The following DNASE1 variants were observed in gnomAD, a reference collection of about 807,000 sequenced individuals.
The protein encoded by DNASE1 is deoxyribonuclease 1.
In DNASE1, 40 loss-of-function variants were observed where a neutral mutation model predicts 33.9. That is an observed-to-expected ratio of 1.18 (90% CI 0.92 to 1.54). The LOEUF (loss-of-function observed/expected upper bound fraction) is 1.54, where lower values mean the gene tolerates loss of function less well. Ranked by LOEUF, DNASE1 falls within the 40% of genes most tolerant of loss-of-function variation. DNASE1 has a pLI of 0.00. For synonymous variants in DNASE1, 216 were observed against 160.0 expected, an observed-to-expected ratio of 1.35 and a Z score of -2.64; for missense variants, 518 against 372.6, an observed-to-expected ratio of 1.39 and a Z score of -3.21.
At chr16:3,655,606 G>A (rs1006629259) in intron 2 of DNASE1, 86 bp downstream of exon 2, 11 of 1,595,882 alleles carry the variant, frequency 6.9e-6, no homozygotes, top group Non-Finnish European at 9.4e-6. Context: ...GGAGCCACAG[G>A]GTGTCGGGTG....
intron 3 of DNASE1, 69 bp downstream of exon 3, chr16:3,656,006 C>A: frequency 6.2e-7 from 1 of 1,611,564 alleles, no homozygotes; most frequent in Non-Finnish European, 8.5e-7. Context: ...TTCACTTGGG[C>A]CCCAAGGGTG....
At chr16:3,659,488 A>G (rs1398312338), downstream of DNASE1, 1 of 152,222 alleles carries the variant, frequency 6.6e-6, no homozygotes, top group South Asian at 2.1e-4. Context: ...ACCACAAACC[A>G]AAAAGTAAAG....
chr16:3,624,431 G>A (rs1165026232), intron 1 of DNASE1, among the ~76,000 whole-genome samples: 1 of 152,160 alleles, frequency 6.6e-6, no homozygotes, highest in Non-Finnish European at 1.5e-5. Flanking sequence ...TGGTGCTCTA[G>A]GCACTGGGTT....
rs1246433427 is a variant in DNASE1 at position 3,657,104 on chromosome 16, G to A, written c.542G>A (p.Gly181Asp). 3.7e-6 allele frequency: 6 copies of A among 1,614,102 alleles called. No individual in the cohort carries two copies. The highest frequency in any genetic ancestry group is 5.1e-6 in the Non-Finnish European group (6 of 1,180,018). ...DVYLDVQEKW[G>D]LEDVMLMGDF... ...TACCTGGATGTCCAAGAGAAATGGG[G>A]CTTGGAGGTGAGGCCCTCCCAGGGG... Residue 181 changes from glycine to aspartate, a missense_variant, in exon 6 of 9, where the codon GGC becomes GAC. Transcript: ENST00000246949.
At chr16:3,663,625 G>A (rs1267626237) in exon 10 of DNASE1, 1 of 1,601,196 alleles carries the variant, frequency 6.2e-7, no homozygotes, top group Non-Finnish European at 8.5e-7. Context: ...CAGAAGAAAG[G>A]ATGAGGGCGG....
intron 1 of DNASE1, among the ~76,000 whole-genome samples, chr16:3,620,205 C>T (rs140816412): frequency 1.8e-3 from 280 of 152,258 alleles, no homozygotes; most frequent in African/African-American, 6.4e-3. Flanking sequence ...CATGAGCCAC[C>T]TCGCCAGGCC....
upstream of DNASE1, among the ~76,000 whole-genome samples, chr16:3,642,710 A>T (rs2042059109): frequency 6.6e-6 from 1 of 152,110 alleles, no homozygotes; most frequent in South Asian, 2.1e-4. Context: ...TCTGTCCTAG[A>T]GGATGCTTGG....
downstream of DNASE1, chr16:3,661,875 G>A (rs1027481653): frequency 4.2e-5 from 57 of 1,352,756 alleles, no homozygotes; most frequent in Non-Finnish European, 4.0e-5. Flanking sequence ...TTACCCACAT[G>A]TCCACAGGCC....
intron 1 of DNASE1, among the ~76,000 whole-genome samples, chr16:3,615,236 G>A (rs2041059434): frequency 6.6e-6 from 1 of 152,172 alleles, no homozygotes; most frequent in African/African-American, 2.4e-5. Context: ...AAGTATAAGA[G>A]AGATGGCAAG....
chr16:3,664,581 G>C, exon 10 of DNASE1: 2 of 1,094,420 alleles, frequency 1.8e-6, no homozygotes, highest in Non-Finnish European at 2.6e-6. Flanking sequence ...GCCCTGACCC[G>C]AGGGACGGTA....
At chr16:3,625,000 G>C (rs1755144266) in intron 1 of DNASE1, among the ~76,000 whole-genome samples, 1 of 152,110 alleles carries the variant, frequency 6.6e-6, no homozygotes, top group African/African-American at 2.4e-5. Flanking sequence ...CCAGCCTGCA[G>C]TTTTTCTTAT....
At position 3,655,387 on chromosome 16, in the gene DNASE1, AGCTGCTGGGGGC is replaced by A. The variant is rs2042533977; in HGVS notation, c.23_34del (p.Gly8_Leu11del). 4 of 1,614,038 alleles carry A rather than the reference AGCTGCTGGGGGC, an allele frequency of 2.5e-6. No homozygotes were observed. The highest frequency in any genetic ancestry group is 2.2e-5 in the South Asian group (2 of 91,094). On this transcript the variant is annotated inframe_deletion, in exon 2 of 9. Transcript: ENST00000246949. ...TGCTCTCCCAGGATGAGGGGCATGAAGCTGCTGGGGGCGCTGCTGGCACTGGCGGCCCTACTG... is the reference window on the plus strand; with the variant it reads ...TGCTCTCCCAGGATGAGGGGCATGAAGCTGCTGGCACTGGCGGCCCTACTG...
chr16:3,650,336 G>A (rs749692514), upstream of DNASE1, among the ~76,000 whole-genome samples: 21 of 152,056 alleles, frequency 1.4e-4, no homozygotes, highest in Non-Finnish European at 2.1e-4. Flanking sequence ...AGAAGGAAAC[G>A]TAAATGAATA....
rs753495578 is a variant in DNASE1 at position 3,635,457 on chromosome 16, CAA to C, written c.-1358-5236_-1358-5235del. ...TGGGTGACAGAGCCAGACTCTGTCT[CAA>C]AAAAAAAAAAAAAAAAAAAAAGTAA... On this transcript the variant is annotated intron_variant and NMD_transcript_variant, in intron 1 of 11. Transcript: ENST00000570769. Among the ~76,000 whole-genome samples the C allele has an allele frequency of 7.3e-3, 436 of 59,650 alleles. 3 individuals carry two copies. Among genetic ancestry groups the C allele is most frequent in the African/African-American group, 0.027 (409 of 15,372 alleles). The allele number at this position is 59,650 out of a possible 152,430, so 39.1% of individuals were successfully genotyped here.
At chr16:3,661,195 G>A (rs1452053585), downstream of DNASE1, 1 of 152,042 alleles carries the variant, frequency 6.6e-6, no homozygotes, top group African/African-American at 2.4e-5. Flanking sequence ...AGAATGTAAG[G>A]TACCAAAGGA....
Position 3,664,654 on chromosome 16 carries a change from C to A in DNASE1, c.*6701C>A. ...GCCCATCAGGCCCCTTTTGGGAGCT[C>A]TGGGGGCTTAGGAAGCACCTCCTGC... On this transcript the variant is annotated 3_prime_UTR_variant, in exon 10 of 10. Coordinates refer to the DNASE1 transcript ENST00000407479. 17 of 597,396 alleles carry A rather than the reference C, an allele frequency of 2.8e-5. 1 individual carries two copies. In the South Asian group the frequency reaches 4.0e-4, roughly 14 times the overall value. The allele number at this position is 597,396 out of a possible 1,614,324, so 37.0% of individuals were successfully genotyped here.
At chr16:3,623,535 T>C (rs554075124) in intron 1 of DNASE1, among the ~76,000 whole-genome samples, 1 of 151,996 alleles carries the variant, frequency 6.6e-6, no homozygotes, top group Non-Finnish European at 1.5e-5. Context: ...ACAGAGTAAA[T>C]AGACAACCTA....
At chr16:3,643,814 T>G (rs1034741949) in intron 1 of DNASE1, among the ~76,000 whole-genome samples, 5 of 152,188 alleles carry the variant, frequency 3.3e-5, no homozygotes. Flanking sequence ...CAGGCTGGAG[T>G]GCAGTGGCGC....
chr16:3,655,872 C>T lies in DNASE1; in HGVS notation c.171C>T (p.Ala57=), dbSNP rs148748335. The T allele has an allele frequency of 5.9e-5, 96 of 1,613,824 alleles. No individual in the cohort carries two copies. In the African/African-American group the frequency reaches 1.2e-3, roughly 20 times the overall value. ...IVQILSRYDI[A]LVQEVRDSHL... is the part of the protein sequence containing the mutation. ...AGATCCTGAGCCGCTATGACATCGC[C>T]CTGGTCCAGGAGGTCAGAGACAGCC... The change falls in exon 3 of 9, where the codon GCC becomes GCT. Residue 57 remains alanine (A), a synonymous_variant. Coordinates refer to ENST00000246949, the MANE Select transcript of DNASE1 (RefSeq NM_005223.4).
Sources: gnomAD v4.1 joint callset for allele counts (sites outside exome capture counted in the v4.1 genomes callset) on GRCh38, gnomAD v4.1.1 for gene constraint, MANE v1.5 for transcripts, NCBI Gene and HGNC (gene_info 2026-07-23, HGNC 2026-07-21) for gene names.